The following HAVCR2 variants were observed in gnomAD, a reference collection of about 807,000 sequenced individuals.
The protein encoded by HAVCR2 is hepatitis A virus cellular receptor 2.
HAVCR2 carries 13 observed loss-of-function variants against 24.7 expected under a neutral mutation model. That is an observed-to-expected ratio of 0.53 (90% CI 0.34 to 0.84). The LOEUF (loss-of-function observed/expected upper bound fraction) is 0.84, where lower values mean the gene tolerates loss of function less well. Ranked by LOEUF, HAVCR2 falls within the 40% of genes least tolerant of loss-of-function variation. The probability of loss-of-function intolerance (pLI) is 0.01; values close to 1 mark genes in which losing one functional copy is unlikely to be tolerated. For synonymous variants in HAVCR2, 154 were observed against 143.4 expected (o/e 1.07, Z -0.53); for missense variants, 343 against 371.2 (o/e 0.92, Z 0.62).
At chr5:157,105,655 A>G (rs1336518947) in intron 2 of HAVCR2, among the ~76,000 whole-genome samples, 1 of 152,154 alleles carries the variant, frequency 6.6e-6, no homozygotes, top group East Asian at 1.9e-4. Context: ...TATAGCTAGT[A>G]AGAGGCAGAG....
intron 5 of HAVCR2, among the ~76,000 whole-genome samples, chr5:157,092,906 A>C (rs1168040056): frequency 8.6e-6 from 1 of 115,902 alleles, no homozygotes; most frequent in Non-Finnish European, 1.8e-5. Context: ...AAAAAAAAAA[A>C]AAAAAAAAAA....
intron 5 of HAVCR2, among the ~76,000 whole-genome samples, chr5:157,090,354 G>C (rs1756980385): frequency 1.3e-5 from 2 of 151,802 alleles, no homozygotes; most frequent in Non-Finnish European, 2.9e-5. Context: ...CTAGCACTTT[G>C]GGAGGCAAGG....
intron 2 of HAVCR2, 83 bp downstream of exon 2, chr5:157,106,544 T>C: frequency 8.3e-7 from 1 of 1,201,800 alleles, no homozygotes; most frequent in Non-Finnish European, 1.2e-6. Context: ...ATTAGGGAAG[T>C]CAGAGATGAG....
intron 3 of HAVCR2, among the ~76,000 whole-genome samples, chr5:157,101,687 C>T (rs549322213): frequency 6.6e-6 from 1 of 152,214 alleles, no homozygotes; most frequent in South Asian, 2.1e-4. Flanking sequence ...CCAGTCCTTA[C>T]TCCTTCAGGT....
chr5:157,106,362 C>T, intron 2 of HAVCR2: 1 of 439,228 alleles, frequency 2.3e-6, no homozygotes, highest in South Asian at 2.9e-5. Context: ...GAATTCCTGA[C>T]CTCATGATCC....
At position 157,098,910 on chromosome 5, in the gene HAVCR2, A is replaced by G; in HGVS notation, c.479-9T>C. ...CAGTGTCTGTGTCTCTGCTATAAAA[A>G]GAGAGAGAGAGAGAGAGAGAGGAAA... On this transcript the variant is annotated splice_polypyrimidine_tract_variant and intron_variant, in intron 3 of 6. Coordinates refer to ENST00000307851, the MANE Select transcript of HAVCR2 (RefSeq NM_032782.5). 1 of 495,794 alleles carries G rather than the reference A, an allele frequency of 2.0e-6. No individual in the cohort carries two copies. The highest frequency in any genetic ancestry group is 6.4e-5 in the South Asian group (1 of 15,656). 30.7% of individuals were successfully genotyped at this position (495,794 alleles called of 1,614,324 possible).
chr5:157,092,035 G>T (rs1209343042), intron 5 of HAVCR2, among the ~76,000 whole-genome samples: 1 of 151,766 alleles, frequency 6.6e-6, no homozygotes, highest in Non-Finnish European at 1.5e-5. Context: ...TGTTTTTTTG[G>T]AGTGGCATAT....
At chr5:157,091,171 A>G (rs1335355606) in intron 5 of HAVCR2, among the ~76,000 whole-genome samples, 1 of 152,214 alleles carries the variant, frequency 6.6e-6, no homozygotes, top group African/African-American at 2.4e-5. Flanking sequence ...CAGGCTGGGA[A>G]CGGTGGCTCA....
intron 3 of HAVCR2, among the ~76,000 whole-genome samples, chr5:157,100,968 C>T (rs960209386): frequency 5.9e-5 from 9 of 151,868 alleles, no homozygotes; most frequent in Admixed American, 4.6e-4. Flanking sequence ...TGGTGGTGTA[C>T]GCCTGTAGTC....
At chr5:157,102,355 T>A (rs1212925006) in intron 3 of HAVCR2, among the ~76,000 whole-genome samples, 1 of 152,194 alleles carries the variant, frequency 6.6e-6, no homozygotes, top group Non-Finnish European at 1.5e-5. Context: ...ATTACACATG[T>A]GAGCCACTGT....
At chr5:157,096,047 G>A (rs1376187719) in intron 4 of HAVCR2, among the ~76,000 whole-genome samples, 3 of 151,900 alleles carry the variant, frequency 2.0e-5, no homozygotes, top group African/African-American at 7.3e-5. Flanking sequence ...ACAACATGGT[G>A]AAACCCCGTC....
intron 5 of HAVCR2, among the ~76,000 whole-genome samples, chr5:157,092,344 C>T (rs1338527452): frequency 1.3e-5 from 2 of 152,002 alleles, no homozygotes; most frequent in Admixed American, 1.3e-4. Context: ...TGCCTATAAT[C>T]CCAACATTTT....
chr5:157,105,030 G>A (rs912341161), intron 2 of HAVCR2: 2 of 191,100 alleles, frequency 1.0e-5, no homozygotes, highest in Non-Finnish European at 2.1e-5. Flanking sequence ...CTCCTTATCT[G>A]AAATGCTTGA....
intron 4 of HAVCR2, among the ~76,000 whole-genome samples, chr5:157,096,977 C>T (rs964091373): frequency 1.3e-5 from 2 of 150,166 alleles, no homozygotes; most frequent in Non-Finnish European, 3.0e-5. Flanking sequence ...TAATTATAAG[C>T]ATTTTTAAAA....
rs1486961044 is a variant in HAVCR2 at position 157,095,386 on chromosome 5, A to G, written c.596T>C (p.Ile199Thr). 6.2e-7 allele frequency: 1 copy of G among 1,614,136 alleles called. No individual in the cohort carries two copies. The highest frequency in any genetic ancestry group is 1.3e-5 in the African/African-American group (1 of 75,034). The change falls in exon 5 of 7, where the codon ATC (isoleucine) becomes ACC (threonine). Residue 199 changes from isoleucine (I) to threonine (T), a missense_variant. Coordinates refer to ENST00000307851, the MANE Select transcript of HAVCR2 (RefSeq NM_032782.5). ...ANDLRDSGAT[I>T]RIGIYIGAGI... ...TGCTCCGATGTAGATGCCTATTCTG[A>G]TGGTTGCTCCAGAGTCCCGTAAGTC...
Position 157,106,744 on chromosome 5 carries a change from C to T in HAVCR2, c.277G>A (p.Val93Met). ...WLNGDFRKGDVSLTIENVTLA... is the reference protein window; with the variant it reads ...WLNGDFRKGDMSLTIENVTLA... Reference sequence around the variant, plus strand: ...GTCACATTCTCTATGGTCAGGGACACATCTCCTTTGCGGAAATCCCCATTT... The same window carrying T: ...GTCACATTCTCTATGGTCAGGGACATATCTCCTTTGCGGAAATCCCCATTT... Residue 93 changes from valine to methionine, a missense_variant, in exon 2 of 7, where the codon GTG (valine) becomes ATG (methionine). Coordinates refer to ENST00000307851, the MANE Select transcript of HAVCR2 (RefSeq NM_032782.5). The T allele has an allele frequency of 6.2e-7, 1 of 1,614,218 alleles. No homozygotes were observed. Among genetic ancestry groups the T allele is most frequent in the Non-Finnish European group, 8.5e-7 (1 of 1,180,030 alleles).
intron 3 of HAVCR2, among the ~76,000 whole-genome samples, chr5:157,099,893 G>A (rs564363650): frequency 4.6e-5 from 7 of 152,064 alleles, no homozygotes; most frequent in South Asian, 4.2e-4. Flanking sequence ...ACGGGGTTTC[G>A]CCATGTTGGC....
intron 5 of HAVCR2, among the ~76,000 whole-genome samples, chr5:157,090,393 G>A (rs762110783): frequency 2.6e-5 from 4 of 151,982 alleles, no homozygotes; most frequent in African/African-American, 7.2e-5. Flanking sequence ...TTGGGAGTTC[G>A]AGACCAGCCT....
intron 3 of HAVCR2, among the ~76,000 whole-genome samples, chr5:157,104,120 A>G (rs755470955): frequency 3.9e-5 from 6 of 152,214 alleles, no homozygotes; most frequent in Admixed American, 6.5e-5. Flanking sequence ...ATTAACCTTC[A>G]TGATCAATGT....
Sources: gnomAD v4.1 joint callset for allele counts (sites outside exome capture counted in the v4.1 genomes callset) on GRCh38, gnomAD v4.1.1 for gene constraint, MANE v1.5 for transcripts, NCBI Gene and HGNC (gene_info 2026-07-23, HGNC 2026-07-21) for gene names.